TAF8: variants seen among roughly 807,000 people sequenced by gnomAD.
TAF8 encodes transcription initiation factor TFIID subunit 8.
A neutral mutation model predicts 36.5 loss-of-function variants in TAF8; 47 were observed. The ratio of observed to expected loss-of-function variants is 1.29; its 90% CI spans 1.02 to 1.64. The LOEUF is 1.64. TAF8 is among the 40% of genes most tolerant of loss of function. The pLI is 0.00. For synonymous variants in TAF8, 175 were observed against 159.5 expected (o/e 1.10, Z -0.73); for missense variants, 420 against 407.6 (o/e 1.03, Z -0.26).
downstream of TAF8, among the ~76,000 whole-genome samples, chr6:42,084,590 G>A (rs1429491358): frequency 6.7e-6 from 1 of 150,156 alleles, no homozygotes; most frequent in African/African-American, 2.4e-5. Context: ...AGCCTCCCGA[G>A]TAGCTGGGAT....
At chr6:42,066,164 G>T in intron 5 of TAF8, 148 bp from the exon 6 acceptor site, 3 of 941,208 alleles carry the variant, frequency 3.2e-6, no homozygotes, top group Non-Finnish European at 4.7e-6. Context: ...GCCTCCCAAA[G>T]TGCTGGGATT....
chr6:42,050,754 G>C (rs1369622545), intron 1 of TAF8, 168 bp downstream of exon 1: 1 of 1,002,780 alleles, frequency 1.0e-6, no homozygotes, highest in East Asian at 3.0e-5. Context: ...CTTGGCTGCG[G>C]CCTCCGGAGT....
intron 7 of TAF8, among the ~76,000 whole-genome samples, chr6:42,072,466 A>G (rs1156787397): frequency 6.6e-6 from 1 of 152,182 alleles, no homozygotes; most frequent in East Asian, 1.9e-4. Context: ...GTAGCCTTCT[A>G]GAGACATTTT....
At chr6:42,086,619 C>A (rs1407581276), downstream of TAF8, 1 of 1,155,466 alleles carries the variant, frequency 8.7e-7, no homozygotes, top group Non-Finnish European at 1.3e-6. Context: ...ATCTGCGGCA[C>A]CCCCTCTCCA....
intron 7 of TAF8, 122 bp from the exon 8 acceptor site, chr6:42,076,978 A>G: frequency 7.9e-7 from 1 of 1,261,102 alleles, no homozygotes; most frequent in South Asian, 1.5e-5. Flanking sequence ...GAATGTTGGA[A>G]AGAAGGTGCT....
intron 3 of TAF8, 125 bp downstream of exon 3, chr6:42,055,754 G>C: frequency 1.2e-6 from 1 of 814,858 alleles, no homozygotes; most frequent in South Asian, 1.6e-5. Flanking sequence ...GAGCTTGAGA[G>C]AGTTATCAAG....
intron 4 of TAF8, 66 bp from the exon 5 acceptor site, chr6:42,057,323 A>G: frequency 5.0e-6 from 8 of 1,604,964 alleles, no homozygotes; most frequent in Non-Finnish European, 6.0e-6. Flanking sequence ...GGCTTTGGGG[A>G]GAGACCATAA....
chr6:42,062,788 C>A (rs903329505), intron 5 of TAF8, among the ~76,000 whole-genome samples: 1 of 151,958 alleles, frequency 6.6e-6, no homozygotes, highest in Non-Finnish European at 1.5e-5. Context: ...GATCCACCTA[C>A]CTTGGCCTCC....
chr6:42,074,545 G>A (rs1346524902), intron 7 of TAF8, among the ~76,000 whole-genome samples: 1 of 151,868 alleles, frequency 6.6e-6, no homozygotes, highest in African/African-American at 2.4e-5. Flanking sequence ...TTACTTTTTT[G>A]TTTTTTTGAG....
At chr6:42,074,685 C>A (rs1336681117) in intron 7 of TAF8, among the ~76,000 whole-genome samples, 1 of 152,144 alleles carries the variant, frequency 6.6e-6, no homozygotes, top group African/African-American at 2.4e-5. Context: ...TAGGCGCCTA[C>A]CACCATGCCC....
intron 6 of TAF8, among the ~76,000 whole-genome samples, chr6:42,067,574 T>A (rs1765410294): frequency 6.8e-6 from 1 of 146,418 alleles, no homozygotes; most frequent in African/African-American, 2.4e-5. Flanking sequence ...AGAGACTTTT[T>A]CTTTTTCTGT....
At chr6:42,058,171 G>A (rs573374793) in intron 5 of TAF8, among the ~76,000 whole-genome samples, 1 of 152,112 alleles carries the variant, frequency 6.6e-6, no homozygotes, top group Non-Finnish European at 1.5e-5. Context: ...ATCACCTGAG[G>A]TCAGGAATTC....
At chr6:42,087,025 C>T (rs1766040215), downstream of TAF8, 5 of 541,680 alleles carry the variant, frequency 9.2e-6, no homozygotes, top group Admixed American at 1.3e-4. Flanking sequence ...TCCCTCCTCT[C>T]AGAGCCCTCC....
chr6:42,077,827 C>A lies in TAF8; in HGVS notation c.*282C>A. The A allele has an allele frequency of 9.3e-7, 1 of 1,080,624 alleles. No homozygotes were observed. Among genetic ancestry groups the A allele is most frequent in the Non-Finnish European group, 1.2e-6 (1 of 831,800 alleles). 66.9% of individuals were successfully genotyped at this position (1,080,624 alleles called of 1,614,324 possible). On this transcript the variant is annotated 3_prime_UTR_variant, in exon 9 of 9. Coordinates refer to ENST00000372977, the MANE Select transcript of TAF8 (RefSeq NM_138572.3). ...CTGGAATGCAGTGGTGTGATCTCAG[C>A]TCACTGCAGTCTCAGCAACCCTGGG...
intron 7 of TAF8, among the ~76,000 whole-genome samples, chr6:42,076,789 A>G (rs1343645810): frequency 6.6e-6 from 1 of 152,090 alleles, no homozygotes; most frequent in Non-Finnish European, 1.5e-5. Context: ...TCCCTGAGGC[A>G]TCTGAATTTG....
At position 42,057,381 on chromosome 6, in the gene TAF8, T is replaced by C; in HGVS notation, c.365-8T>C. On this transcript the variant is annotated splice_region_variant and splice_polypyrimidine_tract_variant and intron_variant, in intron 4 of 8. Transcript: ENST00000372977. ...GTGGAGGGGTAATCAGTTGTGACTC[T>C]GTTGCAGCTCCGGTGACCAATCAGC... 1 of 1,614,044 alleles carries C rather than the reference T, an allele frequency of 6.2e-7. No homozygotes were observed. Among genetic ancestry groups the C allele is most frequent in the Non-Finnish European group, 8.5e-7 (1 of 1,180,024 alleles).
At position 42,080,271 on chromosome 6, in the gene TAF8, C is replaced by T. The variant is rs1765882462; in HGVS notation, c.*2726C>T. On this transcript the variant is annotated 3_prime_UTR_variant, in exon 9 of 9. Transcript: ENST00000372977. ...ATTTGTTGTTGTTATCCAGTGTAAG[C>T]ACCTGTTGAATGCAGATGTGCTGAG... 2.0e-6 allele frequency: 2 copies of T among 985,886 alleles called. No homozygotes were observed. Among genetic ancestry groups the T allele is most frequent in the Non-Finnish European group, 2.4e-6 (2 of 830,364 alleles). 61.1% of individuals were successfully genotyped at this position (985,886 alleles called of 1,614,324 possible). A position where few individuals can be genotyped will look rare whatever the true frequency, so the allele number is the denominator to read the frequency against.
intron 5 of TAF8, among the ~76,000 whole-genome samples, chr6:42,062,474 T>G (rs796641237): frequency 6.6e-6 from 1 of 151,956 alleles, no homozygotes; most frequent in Admixed American, 6.6e-5. Flanking sequence ...CAAACCTTTT[T>G]TACTTAGCTT....
chr6:42,059,110 A>G (rs1330613915), intron 5 of TAF8, among the ~76,000 whole-genome samples: 3 of 152,004 alleles, frequency 2.0e-5, no homozygotes, highest in Admixed American at 6.6e-5. Flanking sequence ...AGGGCCGGGC[A>G]AGGTGGCTCA....
Sources: gnomAD v4.1 joint callset for allele counts (sites outside exome capture counted in the v4.1 genomes callset) on GRCh38, gnomAD v4.1.1 for gene constraint, MANE v1.5 for transcripts, NCBI Gene and HGNC (gene_info 2026-07-23, HGNC 2026-07-21) for gene names.